Variants in TSNARE1 observed in about 807,000 individuals in gnomAD.
The protein encoded by TSNARE1 is t-SNARE domain-containing protein 1.
Under a neutral mutation model 62.0 loss-of-function variants are expected in TSNARE1, and 49 were observed. That is an observed-to-expected ratio of 0.79 (90% CI 0.63 to 1.00). The LOEUF (loss-of-function observed/expected upper bound fraction) is 1.00, where lower values mean the gene tolerates loss of function less well. Ranked by LOEUF, TSNARE1 falls within the 50% of genes least tolerant of loss-of-function variation. The pLI, the probability that TSNARE1 is intolerant of heterozygous loss-of-function variation, is 0.00. For synonymous variants in TSNARE1, 328 were observed against 294.4 expected, an observed-to-expected ratio of 1.11 and a Z score of -1.17; for missense variants, 755 against 700.1, an observed-to-expected ratio of 1.08 and a Z score of -0.88.
intron 12 of TSNARE1, among the ~76,000 whole-genome samples, chr8:142,232,595 G>T (rs147024898): frequency 2.0e-5 from 3 of 152,210 alleles, no homozygotes; most frequent in Non-Finnish European, 1.5e-5. Flanking sequence ...GAGCACCTGC[G>T]GAAGAAAGGC....
intron 6 of TSNARE1, among the ~76,000 whole-genome samples, chr8:142,324,894 G>A (rs79456562): frequency 1.4e-4 from 21 of 152,366 alleles, no homozygotes; most frequent in Non-Finnish European, 2.8e-4. Flanking sequence ...CGCCCCTGCC[G>A]GTCCCTCGGC....
At chr8:142,241,681 A>G (rs1273974864) in intron 12 of TSNARE1, among the ~76,000 whole-genome samples, 1 of 152,202 alleles carries the variant, frequency 6.6e-6, no homozygotes, top group Admixed American at 6.5e-5. Context: ...ACAGAAGAGA[A>G]GGCCCAGAAA....
At chr8:142,218,918 G>A (rs4072917) in intron 13 of TSNARE1, among the ~76,000 whole-genome samples, 63,779 of 152,078 alleles carry the variant, frequency 0.42, 13,754 homozygotes, top group East Asian at 0.56. Context: ...AAAAGCACCC[G>A]GAAGCAAAAT....
chr8:142,238,604 C>T (rs146193250), intron 12 of TSNARE1, among the ~76,000 whole-genome samples: 49 of 152,096 alleles, frequency 3.2e-4, no homozygotes, highest in East Asian at 1.4e-3. Context: ...CTCCCCTCCA[C>T]GCCATTCTCC....
rs115032747 is a variant in TSNARE1, at chr8:142,278,592, C to T, written c.1364-3729G>A. 7.9e-3 allele frequency: 7,765 copies of T among 985,252 alleles called. 105 individuals are homozygous for T. The highest frequency in any genetic ancestry group is 0.055 in the African/African-American group (3,172 of 57,328). The allele number at this position is 985,252 out of a possible 1,614,324, so 61.0% of individuals were successfully genotyped here. ...GGTGCGGTGGGAGGAGGCACGGAGG[C>T]GGCAGGAGGAAGCACGGAGCCAGCA... is the stretch of plus-strand genomic sequence containing the variant. On this transcript the variant is annotated intron_variant, in intron 11 of 13. Coordinates refer to ENST00000524325, the MANE Select transcript of TSNARE1 (RefSeq NM_145003.5).
intron 8 of TSNARE1, 72 bp downstream of exon 8, chr8:142,314,931 T>C: frequency 7.0e-7 from 1 of 1,429,418 alleles, no homozygotes; most frequent in Non-Finnish European, 9.9e-7. Context: ...AAGACAGCCA[T>C]GACAGTGCTC....
At chr8:142,339,976 G>A (rs1832317252) in intron 4 of TSNARE1, among the ~76,000 whole-genome samples, 1 of 152,258 alleles carries the variant, frequency 6.6e-6, no homozygotes, top group South Asian at 2.1e-4. Context: ...CTTCCCAACA[G>A]GGGCTGATGA....
intron 1 of TSNARE1, among the ~76,000 whole-genome samples, chr8:142,357,458 C>T (rs1268283127): frequency 1.3e-5 from 2 of 152,318 alleles, no homozygotes; most frequent in Non-Finnish European, 2.9e-5. Flanking sequence ...GTTTGGGGAG[C>T]TCCCTCTACT....
At chr8:142,313,819 GC>G (rs1828064458) in intron 9 of TSNARE1, among the ~76,000 whole-genome samples, 1 of 152,178 alleles carries the variant, frequency 6.6e-6, no homozygotes, top group Non-Finnish European at 1.5e-5. Context: ...TGTCGCCCAG[GC>G]TGGAATGCAG....
intron 1 of TSNARE1, among the ~76,000 whole-genome samples, chr8:142,370,405 C>A (rs185479248): frequency 2.0e-5 from 3 of 152,038 alleles, no homozygotes; most frequent in Non-Finnish European, 4.4e-5. Context: ...TCCATCTCTA[C>A]AAAAAATAAA....
intron 12 of TSNARE1, among the ~76,000 whole-genome samples, chr8:142,248,800 G>T (rs1404274340): frequency 6.6e-6 from 1 of 152,244 alleles, no homozygotes; most frequent in South Asian, 2.1e-4. Flanking sequence ...GAGGAACAGA[G>T]GCCAGCCTCC....
intron 6 of TSNARE1, among the ~76,000 whole-genome samples, chr8:142,321,679 T>C (rs1231378870): frequency 1.3e-5 from 2 of 152,074 alleles, no homozygotes; most frequent in African/African-American, 4.8e-5. Flanking sequence ...ACAAATCATA[T>C]CAGGCCCATA....
intron 12 of TSNARE1, among the ~76,000 whole-genome samples, chr8:142,261,585 T>C (rs1247203759): frequency 6.6e-6 from 1 of 152,070 alleles, no homozygotes; most frequent in African/African-American, 2.4e-5. Context: ...TTGACCCATG[T>C]GAGCCCCAGG....
Position 142,344,361 on chromosome 8 carries a change from C to T in TSNARE1, c.350G>A (p.Ser117Asn). 2 of 1,568,936 alleles carry T rather than the reference C, an allele frequency of 1.3e-6. No individual in the cohort carries two copies. The highest frequency in any genetic ancestry group is 2.3e-5 in the East Asian group (1 of 43,476). Residue 117 changes from serine to asparagine, a missense_variant, in exon 4 of 14, where the codon AGC (serine) becomes AAC (asparagine). Coordinates refer to ENST00000524325, the MANE Select transcript of TSNARE1 (RefSeq NM_145003.5). ...CTTCCTCTTCTTGGCCCGGGTAGTG[C>T]TGGGCCCCGCCATCCGGCCATGGGG... ...AGPHGRMAGP[S>N]TTRAKKRKPN...
chr8:142,349,992 G>T (rs1833878327), intron 2 of TSNARE1, among the ~76,000 whole-genome samples: 1 of 147,538 alleles, frequency 6.8e-6, no homozygotes, highest in Non-Finnish European at 1.5e-5. Flanking sequence ...CTGGGACCAG[G>T]GCAGGCAGGG....
intron 12 of TSNARE1, among the ~76,000 whole-genome samples, chr8:142,252,428 G>A (rs1563778030): frequency 6.6e-6 from 1 of 152,192 alleles, no homozygotes; most frequent in Non-Finnish European, 1.5e-5. Context: ...GTCTGTAAAT[G>A]AGGCTGGTTT....
Position 142,331,956 on chromosome 8 carries a change from C to A in TSNARE1, c.746-125G>T, listed in dbSNP as rs796858235. 3.4e-5 allele frequency: 31 copies of A among 911,394 alleles called. No homozygotes were observed. The African/African-American group carries it at 4.1e-4, about 12-fold the overall frequency. The allele number at this position is 911,394 out of a possible 1,614,324, so 56.5% of individuals were successfully genotyped here. On this transcript the variant is annotated intron_variant, in intron 4 of 13. Coordinates refer to ENST00000524325, the MANE Select transcript of TSNARE1 (RefSeq NM_145003.5). ...CGACAGGCAGCAGAGTGGCCCTGAACCCCCTCACTGCCTTTGCGGCTTGGC... is the reference window on the plus strand; with the variant it reads ...CGACAGGCAGCAGAGTGGCCCTGAAACCCCTCACTGCCTTTGCGGCTTGGC...
rs555851571 is a variant in TSNARE1, at chr8:142,253,127, G to A, written c.1446+21654C>T. ...GACCGGACGGGCAGCCTGGCAAGGA[G>A]ACTGGGCTCTGCCACGGGTGAGAGT... On this transcript the variant is annotated intron_variant, in intron 12 of 13. Transcript: ENST00000524325. Among the ~76,000 whole-genome samples, 103 of 152,376 alleles carry A rather than the reference G, an allele frequency of 6.8e-4. 1 individual carries two copies. Among genetic ancestry groups the A allele is most frequent in the Admixed American group, 6.3e-3 (96 of 15,312 alleles).
chr8:142,388,851 C>T (rs1255426179), intron 1 of TSNARE1, among the ~76,000 whole-genome samples: 1 of 152,160 alleles, frequency 6.6e-6, no homozygotes, highest in Non-Finnish European at 1.5e-5. Flanking sequence ...GCTGGGATTA[C>T]AGGCATGAGC....
Sources: allele counts gnomAD v4.1 joint callset (sites outside exome capture counted in the v4.1 genomes callset), GRCh38; gene constraint gnomAD v4.1.1; transcripts MANE v1.5; gene names NCBI Gene and HGNC (gene_info 2026-07-23, HGNC 2026-07-21).